Variants in RBFOX3 observed in about 807,000 individuals in gnomAD.
RBFOX3 encodes RNA binding fox-1 homolog 3, also known as RNA binding protein fox-1 homolog 3.
Under a neutral mutation model 48.7 loss-of-function variants are expected in RBFOX3, and 17 were observed. The ratio of observed to expected loss-of-function variants is 0.35; its 90% confidence interval spans 0.24 to 0.52. The LOEUF (loss-of-function observed/expected upper bound fraction) is 0.52. Among genes scored for constraint, RBFOX3 ranks in the 20% least tolerant of loss-of-function variants. The pLI is 0.94. For missense variants in RBFOX3, 382 were observed against 497.5 expected (o/e 0.77, Z 2.21); for synonymous variants, 212 against 209.5 (o/e 1.01, Z -0.10).
At chr17:79,551,197 ACT>A (rs2143610714) in intron 1 of RBFOX3, among the ~76,000 whole-genome samples, 1 of 152,142 alleles carries the variant, frequency 6.6e-6, no homozygotes, top group South Asian at 2.1e-4. Context: ...AGAAGAGATG[ACT>A]CTGTGAGAAG....
At chr17:79,091,507 T>C (rs1270372484) in intron 14 of RBFOX3, among the ~76,000 whole-genome samples, 2 of 152,184 alleles carry the variant, frequency 1.3e-5, no homozygotes, top group African/African-American at 4.8e-5. Context: ...AGAAGCGCCA[T>C]GCACCGGGCT....
At chr17:79,193,135 G>T (rs1194912798) in intron 4 of RBFOX3, among the ~76,000 whole-genome samples, 1 of 152,136 alleles carries the variant, frequency 6.6e-6, no homozygotes, top group African/African-American at 2.4e-5. Context: ...GGGGGCAGGG[G>T]CAGGCATGCC....
chr17:79,555,936 T>C (rs1272507272), intron 1 of RBFOX3, among the ~76,000 whole-genome samples: 1 of 151,918 alleles, frequency 6.6e-6, no homozygotes, highest in African/African-American at 2.4e-5. Context: ...ACAATTACAT[T>C]ATCCCAGAAC....
At chr17:79,663,690 C>T in the RBFOX3 span, among the ~76,000 whole-genome samples, 4 of 152,080 alleles carry the variant, frequency 2.6e-5, no homozygotes, top group East Asian at 5.8e-4. Flanking sequence ...GCCCCCCTGA[C>T]CCTCAGCCAA....
At chr17:79,582,872 G>A (rs1178100496) in intron 1 of RBFOX3, among the ~76,000 whole-genome samples, 1 of 151,836 alleles carries the variant, frequency 6.6e-6, no homozygotes, top group African/African-American at 2.4e-5. Context: ...ATTGCCCATG[G>A]GATGTGTTTA....
Position 79,494,046 on chromosome 17 carries a change from G to A in RBFOX3, c.-319-11448C>T, listed in dbSNP as rs111695081. The stretch of plus-strand genomic sequence containing the variant: ...AGCTACTTAGGAGGCTGAGGCAGGA[G>A]GATCACTTGAGCTGAGGAGTTTGAG... On this transcript the variant is annotated intron_variant, in intron 1 of 14. Coordinates refer to ENST00000693108, the MANE Select transcript of RBFOX3 (RefSeq NM_001350451.2). 3.8e-3 allele frequency among the ~76,000 whole-genome samples: 576 copies of A among 152,300 alleles called. 1 individual carries two copies. The highest frequency in any genetic ancestry group is 0.013 in the African/African-American group (549 of 41,550).
At chr17:79,201,749 A>G (rs2056790509) in intron 4 of RBFOX3, among the ~76,000 whole-genome samples, 1 of 152,130 alleles carries the variant, frequency 6.6e-6, no homozygotes, top group African/African-American at 2.4e-5. Context: ...GCTCACACAC[A>G]GCACCCCCTG....
At chr17:79,416,504 C>T (rs966625395) in intron 2 of RBFOX3, among the ~76,000 whole-genome samples, 3 of 152,242 alleles carry the variant, frequency 2.0e-5, no homozygotes, top group South Asian at 2.1e-4. Flanking sequence ...TCCAAGACAG[C>T]GACGTGGCCC....
chr17:79,128,466 C>T (rs1309811683), intron 4 of RBFOX3, among the ~76,000 whole-genome samples: 1 of 152,152 alleles, frequency 6.6e-6, no homozygotes, highest in African/African-American at 2.4e-5. Context: ...ACAGGAGGGC[C>T]CGTGCAGCCA....
chr17:79,166,772 A>G (rs2048091444), intron 4 of RBFOX3, among the ~76,000 whole-genome samples: 1 of 152,178 alleles, frequency 6.6e-6, no homozygotes, highest in African/African-American at 2.4e-5. Context: ...GCTCAGTGGG[A>G]GAATCGAAAC....
chr17:79,513,216 C>G (rs1191539540), intron 1 of RBFOX3, among the ~76,000 whole-genome samples: 1 of 151,412 alleles, frequency 6.6e-6, no homozygotes, highest in Non-Finnish European at 1.5e-5. Flanking sequence ...CCAGGGGACA[C>G]ATACCTGGAT....
At chr17:79,196,155 C>T (rs965557707) in intron 4 of RBFOX3, among the ~76,000 whole-genome samples, 1 of 152,126 alleles carries the variant, frequency 6.6e-6, no homozygotes, top group Non-Finnish European at 1.5e-5. Context: ...GATGCGGGGT[C>T]GGAGTCACTG....
Position 79,254,034 on chromosome 17 carries a change from C to G in RBFOX3, c.-73-18229G>C, listed in dbSNP as rs767040908. Among the ~76,000 whole-genome samples the G allele has an allele frequency of 6.6e-6, 1 of 152,168 alleles. No homozygotes were observed. Among genetic ancestry groups the G allele is most frequent in the Non-Finnish European group, 1.5e-5 (1 of 68,028 alleles). On this transcript the variant is annotated intron_variant, in intron 3 of 14. Transcript: ENST00000693108. This position sits in a 1 kb window ranked among gnomAD's most constrained non-coding sequence, Gnocchi z 4.8. ...CTCTGAGGGCGGGTATGGGAGGGAG[C>G]CTTCTCCCCAGCTGGTGGCAGGACT...
At chr17:79,466,693 C>T (rs1003957098) in intron 2 of RBFOX3, among the ~76,000 whole-genome samples, 1 of 152,190 alleles carries the variant, frequency 6.6e-6, no homozygotes, top group Non-Finnish European at 1.5e-5. Context: ...CAAGAGAAAG[C>T]GATTTTGCTA....
chr17:79,431,359 G>A (rs148074214), intron 2 of RBFOX3, among the ~76,000 whole-genome samples: 1 of 152,118 alleles, frequency 6.6e-6, no homozygotes, highest in Non-Finnish European at 1.5e-5. Context: ...TGTCCCCAAG[G>A]CTTGAGTGCA....
chr17:79,628,063 C>T, the RBFOX3 span, among the ~76,000 whole-genome samples: 5 of 152,076 alleles, frequency 3.3e-5, no homozygotes, highest in African/African-American at 1.2e-4. Flanking sequence ...GCATCCCAGG[C>T]CTCAGAGAAA....
At chr17:79,222,566 C>T (rs2059864948) in intron 4 of RBFOX3, among the ~76,000 whole-genome samples, 1 of 152,216 alleles carries the variant, frequency 6.6e-6, no homozygotes, top group Non-Finnish European at 1.5e-5. Flanking sequence ...GGCCAGTGAG[C>T]AGCCACATGT....
chr17:79,556,066 A>G lies in RBFOX3; in HGVS notation c.-320+54760T>C, dbSNP rs1414025637. Among the ~76,000 whole-genome samples the G allele has an allele frequency of 2.0e-5, 3 of 152,194 alleles. No homozygotes were observed. The East Asian group carries it at 5.8e-4, about 29-fold the overall frequency. On this transcript the variant is annotated intron_variant, in intron 1 of 14. Transcript: ENST00000693108. ...GAAGATTCTAGAATGTCAGAGCGGG[A>G]AAGCATACTTGCAATCATCCAGACG... is the stretch of plus-strand genomic sequence containing the variant.
At chr17:79,273,812 C>G (rs369058172) in intron 3 of RBFOX3, among the ~76,000 whole-genome samples, 2 of 152,206 alleles carry the variant, frequency 1.3e-5, no homozygotes, top group African/African-American at 2.4e-5. Context: ...GCAGGGAGCC[C>G]GTGCCCTCCT....
Sources: gnomAD v4.1 joint callset for allele counts (sites outside exome capture counted in the v4.1 genomes callset) on GRCh38, gnomAD v4.1.1 for gene constraint, Gnocchi (gnomAD v3.1) non-coding constraint, MANE v1.5 for transcripts, NCBI Gene and HGNC (gene_info 2026-07-23, HGNC 2026-07-21) for gene names.